PNPLA6: variants seen among roughly 807,000 people sequenced by gnomAD.
PNPLA6 encodes the protein patatin like domain 6, lysophospholipase.
PNPLA6 carries 105 observed loss-of-function variants against 153.7 expected under a neutral mutation model. The ratio of observed to expected loss-of-function variants is 0.68; its 90% CI spans 0.58 to 0.80. The LOEUF is 0.80. PNPLA6 is among the 30% of genes least tolerant of loss of function. PNPLA6 has a pLI of 0.00. For synonymous variants in PNPLA6, 825 were observed against 822.2 expected (o/e 1.00, Z -0.06); for missense variants, 1,423 against 1,919.3 (o/e 0.74, Z 4.83).
At position 7,550,772 on chromosome 19, in the gene PNPLA6, C is replaced by T. The variant is rs74953281; in HGVS notation, c.2070+132C>T. Reference sequence around the variant, plus strand: ...GACCTCTGAGGTCACCCAGTCCACTCCCCGCCCAGACCTCATTTCGTTGGA... The same window carrying T: ...GACCTCTGAGGTCACCCAGTCCACTTCCCGCCCAGACCTCATTTCGTTGGA... On this transcript the variant is annotated intron_variant, in intron 16 of 31. Coordinates refer to ENST00000600737, the MANE Select transcript of PNPLA6 (RefSeq NM_001166114.2). 2.6e-3 allele frequency: 3,189 copies of T among 1,212,876 alleles called. 4 individuals are homozygous for T. Among genetic ancestry groups the T allele is most frequent in the Non-Finnish European group, 3.4e-3 (2,928 of 864,092 alleles). The allele number at this position is 1,212,876 out of a possible 1,614,324, so 75.1% of individuals were successfully genotyped here.
rs1840824906 is a variant in PNPLA6, at chr19:7,541,571, C to T, written c.1055C>T (p.Thr352Ile). 7 of 1,599,448 alleles carry T rather than the reference C, an allele frequency of 4.4e-6. No homozygotes were observed. Among genetic ancestry groups the T allele is most frequent in the Non-Finnish European group, 6.0e-6 (7 of 1,173,184 alleles). The change falls in exon 9 of 32, where the codon ACC (threonine) becomes ATC (isoleucine). Residue 352 changes from threonine to isoleucine, a missense_variant. By Grantham distance (89) the Thr-to-Ile change is moderately conservative. Around this residue, in one of 10 missense-constraint regions of PNPLA6, gnomAD observed 267 missense variants for 255.1 expected, o/e 1.05. Coordinates refer to ENST00000600737, the MANE Select transcript of PNPLA6 (RefSeq NM_001166114.2). This position sits in a 1 kb window ranked among gnomAD's most constrained non-coding sequence, Gnocchi z 5.2. ...LFPSPGLPTR[T>I]SPVRGSKRMV... ...CCCAGCCCCGGCCTCCCAACTCGCA[C>T]CAGCCCTGTGCGGGGCTCCAAGAGA...
In PNPLA6 at chr19:7,542,042, C is replaced by T. The variant is rs1032668743; in HGVS notation, c.1227C>T (p.Cys409=). 1.1e-5 allele frequency: 17 copies of T among 1,606,936 alleles called. No homozygotes were observed. Among genetic ancestry groups the T allele is most frequent in the Admixed American group, 1.7e-5 (1 of 59,986 alleles). ...ETPSAPLLSR[C]VSMPGDISGL... is the part of the protein sequence containing the mutation. ...CCTCGGCCCCTCTGCTGAGCCGCTG[C>T]GTCTCCATGCCAGGGGACATCTCAG... is the stretch of plus-strand genomic sequence containing the variant. The change falls in exon 10 of 32, where the codon TGC becomes TGT. Residue 409 remains cysteine (C), a synonymous_variant. Transcript: ENST00000600737.
Position 7,540,938 on chromosome 19 carries a change from C to T in PNPLA6, c.811C>T (p.Gln271Ter). The change falls in exon 7 of 32, where the codon CAG (glutamine) becomes TAG (stop). Residue 271 changes from glutamine (Q) to a stop codon, truncating the protein, a stop_gained. Transcript: ENST00000600737. LOFTEE classifies it high-confidence loss of function. This position sits in a 1 kb window ranked among gnomAD's most constrained non-coding sequence, Gnocchi z 6.8. ...CCTCCCCCAGGGTCACCAGCATCCC[C>T]AGCGGACCGTGTCTGCCCGGGCGGC... ...LDVITGHQHP[Q>*]RTVSARAARD... 1.2e-6 allele frequency: 2 copies of T among 1,612,946 alleles called. No homozygotes were observed.
In PNPLA6 at chr19:7,540,307, C is replaced by G. The variant is rs763499274; in HGVS notation, c.713C>G (p.Pro238Arg). 2 of 1,603,486 alleles carry G rather than the reference C, an allele frequency of 1.2e-6. No individual in the cohort carries two copies. Among genetic ancestry groups the G allele is most frequent in the Non-Finnish European group, 8.5e-7 (1 of 1,177,366 alleles). ...CTGCTGGAGCTCTGTCTGCCAGGGC[C>G]TGTGAGTGGGCCTCCCCAGGGGCTG... is the stretch of plus-strand genomic sequence containing the variant. ...DGLLELCLPG[P>R]DGKECVVKEV... Residue 238 changes from proline (P) to arginine (R), a missense_variant and splice_region_variant, in exon 5 of 32, where the codon CCT (proline) becomes CGT (arginine). Transcript: ENST00000600737. This position sits in a 1 kb window ranked among gnomAD's most constrained non-coding sequence, Gnocchi z 6.8.
Position 7,540,510 on chromosome 19 carries a change from G to T in PNPLA6, c.715-120G>T, listed in dbSNP as rs138731619. The T allele has an allele frequency of 4.9e-6, 5 of 1,024,486 alleles. No homozygotes were observed. The highest frequency in any genetic ancestry group is 1.3e-5 in the South Asian group (1 of 75,500). The allele number at this position is 1,024,486 out of a possible 1,614,324, so 63.5% of individuals were successfully genotyped here. On this transcript the variant is annotated intron_variant, in intron 5 of 31. Coordinates refer to ENST00000600737, the MANE Select transcript of PNPLA6 (RefSeq NM_001166114.2). This position sits in a 1 kb window ranked among gnomAD's most constrained non-coding sequence, Gnocchi z 6.8. ...ATGGGAGATGCCTGCTCGTTGGAAG[G>T]GTTGGTGGGTTCCCCTGAGAAGGGA...
Position 7,550,360 on chromosome 19 carries a change from C to T in PNPLA6, c.1877C>T (p.Ser626Leu). 1.2e-6 allele frequency: 2 copies of T among 1,612,326 alleles called. No homozygotes were observed. The highest frequency in any genetic ancestry group is 1.7e-6 in the Non-Finnish European group (2 of 1,180,042). ...GCGCACACGGTGGCAGCCAGGATGT[C>T]GCCCTTCGTGCGCCAGATGGACTTC... ...SAAHTVAARM[S>L]PFVRQMDFAI... The change falls in exon 15 of 32, where the codon TCG becomes TTG. Residue 626 changes from serine to leucine, a missense_variant. Physicochemically the swap from Ser to Leu is moderately radical, Grantham distance 145. Transcript: ENST00000600737.
rs745935188 is a variant in PNPLA6, at chr19:7,554,982, C to A, written c.2724C>A (p.Thr908=). The part of the protein sequence containing the change: ...HREEGAGPTR[T]VEWLNMRSWC... The stretch of plus-strand genomic sequence containing the variant: ...AGGAGGGCGCGGGCCCCACGCGCAC[C>A]GTGGAGTGGCTAAATATGCGCAGCT... The change falls in exon 22 of 32, where the codon ACC becomes ACA. Residue 908 remains threonine (T), a synonymous_variant. Coordinates refer to ENST00000600737, the MANE Select transcript of PNPLA6 (RefSeq NM_001166114.2). 6.3e-7 allele frequency: 1 copy of A among 1,593,654 alleles called. No homozygotes were observed. Among genetic ancestry groups the A allele is most frequent in the Non-Finnish European group, 8.5e-7 (1 of 1,177,416 alleles).
chr19:7,550,372 G>T lies in PNPLA6; in HGVS notation c.1889G>T (p.Arg630Leu). The T allele has an allele frequency of 6.2e-7, 1 of 1,612,048 alleles. No individual in the cohort carries two copies. The highest frequency in any genetic ancestry group is 8.5e-7 in the Non-Finnish European group (1 of 1,180,020). ...TVAARMSPFV[R>L]QMDFAIDWTA... is the part of the protein sequence containing the mutation. ...GCAGCCAGGATGTCGCCCTTCGTGC[G>T]CCAGATGGACTTCGCCATCGACTGG... Residue 630 changes from arginine (R) to leucine (L), a missense_variant, in exon 15 of 32, where the codon CGC (arginine) becomes CTC (leucine). By Grantham distance (102) the Arg-to-Leu change is moderately radical (BLOSUM62 -2). Transcript: ENST00000600737.
chr19:7,551,136 G>T, intron 17 of PNPLA6, 29 bp downstream of exon 17: 1 of 1,439,564 alleles, frequency 6.9e-7, no homozygotes. Context: ...GGGGCAGAGA[G>T]GCGGAGGCGG....
chr19:7,542,068 G>T lies in PNPLA6; in HGVS notation c.1252+1G>T. 1 of 1,605,148 alleles carries T rather than the reference G, an allele frequency of 6.2e-7. No homozygotes were observed. On this transcript the variant is annotated splice_donor_variant, in intron 10 of 31. Coordinates refer to ENST00000600737, the MANE Select transcript of PNPLA6 (RefSeq NM_001166114.2). LOFTEE classifies it high-confidence loss of function. ...GTCTCCATGCCAGGGGACATCTCAG[G>T]TTTGGAGCACTGGGTCTGCGGGGAG...
chr19:7,541,127 C>G lies in PNPLA6; in HGVS notation c.924+76C>G. The G allele has an allele frequency of 6.6e-7, 1 of 1,520,536 alleles. No homozygotes were observed. The allele number at this position is 1,520,536 out of a possible 1,614,324, so 94.2% of individuals were successfully genotyped here. A position where few individuals can be genotyped will look rare whatever the true frequency, so the allele number is the denominator to read the frequency against. On this transcript the variant is annotated intron_variant, in intron 7 of 31. Coordinates refer to ENST00000600737, the MANE Select transcript of PNPLA6 (RefSeq NM_001166114.2). This position sits in a 1 kb window ranked among gnomAD's most constrained non-coding sequence, Gnocchi z 5.2. ...CCCACCCATTCCAGGCTCCAAGGGA[C>G]CGAGGCCCAGCAGCCAGCAGGCGCT...
At chr19:7,550,935 C>T in intron 16 of PNPLA6, 59 bp from the exon 17 acceptor site, 1 of 1,265,876 alleles carries the variant, frequency 7.9e-7, no homozygotes, top group Non-Finnish European at 1.1e-6. Flanking sequence ...CCTTTCCACC[C>T]ATCTTCGGCC....
intron 13 of PNPLA6, among the ~76,000 whole-genome samples, chr19:7,543,990 T>C (rs533957714): frequency 6.6e-6 from 1 of 151,078 alleles, no homozygotes; most frequent in African/African-American, 2.4e-5. Flanking sequence ...ATTTTTTGTA[T>C]TTTTACTAGA....
At chr19:7,538,817 C>T (rs183560107) in intron 3 of PNPLA6, among the ~76,000 whole-genome samples, 8 of 152,334 alleles carry the variant, frequency 5.3e-5, no homozygotes, top group Admixed American at 3.9e-4. Flanking sequence ...ATGTCAAAGG[C>T]ATACTCACGT....
At position 7,553,206 on chromosome 19, in the gene PNPLA6, G is replaced by A. The variant is rs546326627; in HGVS notation, c.2261-669G>A. Among the ~76,000 whole-genome samples, 6 of 137,640 alleles carry A rather than the reference G, an allele frequency of 4.4e-5. No individual in the cohort carries two copies. In the South Asian group the frequency reaches 1.6e-3, roughly 36 times the overall value. 90.3% of individuals were successfully genotyped at this position (137,640 alleles called of 152,430 possible). A position where few individuals can be genotyped will look rare whatever the true frequency, so the allele number is the denominator to read the frequency against. ...AGGCTGTTAGTGGAGAAACTGGGAA[G>A]CAACAGCTGGGTCAAAAGTAGCTTT... On this transcript the variant is annotated intron_variant, in intron 18 of 31. Coordinates refer to ENST00000600737, the MANE Select transcript of PNPLA6 (RefSeq NM_001166114.2).
At chr19:7,560,836 C>G in intron 29 of PNPLA6, 72 bp downstream of exon 29, 1 of 1,087,044 alleles carries the variant, frequency 9.2e-7, no homozygotes, top group Non-Finnish European at 1.4e-6. Context: ...TAAAGTCTCC[C>G]CGAAACCTCA....
At chr19:7,553,840 C>G in intron 18 of PNPLA6, 35 bp from the exon 19 acceptor site, 1 of 1,613,934 alleles carries the variant, frequency 6.2e-7, no homozygotes, top group Non-Finnish European at 8.5e-7. Flanking sequence ...GACACAGGTT[C>G]GCACCACAAA....
chr19:7,550,371 C>T lies in PNPLA6; in HGVS notation c.1888C>T (p.Arg630Cys), dbSNP rs770178856. 3.7e-6 allele frequency: 6 copies of T among 1,612,030 alleles called. No individual in the cohort carries two copies. The highest frequency in any genetic ancestry group is 1.1e-5 in the South Asian group (1 of 91,088). ...TVAARMSPFV[R>C]QMDFAIDWTA... ...GGCAGCCAGGATGTCGCCCTTCGTG[C>T]GCCAGATGGACTTCGCCATCGACTG... is the stretch of plus-strand genomic sequence containing the variant. The change falls in exon 15 of 32, where the codon CGC (arginine) becomes TGC (cysteine). Residue 630 changes from arginine to cysteine, a missense_variant. Physicochemically the swap from Arg to Cys is radical, Grantham distance 180 (BLOSUM62 -3). Transcript: ENST00000600737.
intron 13 of PNPLA6, among the ~76,000 whole-genome samples, chr19:7,547,674 G>A (rs1322500208): frequency 6.6e-6 from 1 of 152,024 alleles, no homozygotes; most frequent in Admixed American, 6.6e-5. Context: ...GTCTTGCACT[G>A]TAGCCTAGGC....
Sources: gnomAD v4.1 joint callset for allele counts (sites outside exome capture counted in the v4.1 genomes callset) on GRCh38, gnomAD v4.1.1 for gene constraint, gnomAD v4.1.1 regional missense constraint, Gnocchi (gnomAD v3.1) non-coding constraint, MANE v1.5 for transcripts, NCBI Gene and HGNC (gene_info 2026-07-23, HGNC 2026-07-21) for gene names.